Variants in ARHGAP44 observed in about 807,000 individuals in gnomAD.
ARHGAP44 encodes the protein Rho GTPase activating protein 44.
In ARHGAP44, 43 loss-of-function variants were observed where a neutral mutation model predicts 106.8. The observed-to-expected ratio is 0.40, with a 90% CI of 0.32 to 0.52. ARHGAP44 has a LOEUF of 0.52. ARHGAP44 is among the 20% of genes least tolerant of loss of function. The pLI is 0.48. For missense variants in ARHGAP44, 866 were observed against 1,050.5 expected, an observed-to-expected ratio of 0.82 and a Z score of 2.43; for synonymous variants, 439 against 410.3, an observed-to-expected ratio of 1.07 and a Z score of -0.85.
At chr17:12,906,046 G>A (rs932716134) in intron 3 of ARHGAP44, among the ~76,000 whole-genome samples, 1 of 152,146 alleles carries the variant, frequency 6.6e-6, no homozygotes, top group Non-Finnish European at 1.5e-5. Context: ...CCCATCAGAT[G>A]CCAATAGCAT....
At chr17:12,919,437 G>A (rs1022173027) in intron 5 of ARHGAP44, among the ~76,000 whole-genome samples, 9 of 151,020 alleles carry the variant, frequency 6.0e-5, no homozygotes, top group Admixed American at 4.6e-4. Flanking sequence ...ACAGGCTGGA[G>A]TGGAGTGGTG....
At chr17:12,891,869 A>G (rs1025969732) in intron 1 of ARHGAP44, among the ~76,000 whole-genome samples, 2 of 149,354 alleles carry the variant, frequency 1.3e-5, no homozygotes, top group Non-Finnish European at 3.0e-5. Flanking sequence ...ATGTCGGCTC[A>G]CTGCAACCTC....
chr17:12,910,432 T>C (rs978860005), intron 4 of ARHGAP44, among the ~76,000 whole-genome samples: 23 of 141,304 alleles, frequency 1.6e-4, no homozygotes, highest in African/African-American at 5.4e-4. Context: ...GGATAGAACA[T>C]GGGCTTATGT....
At chr17:12,989,260 G>A (rs930047720) in intron 20 of ARHGAP44, among the ~76,000 whole-genome samples, 9 of 152,044 alleles carry the variant, frequency 5.9e-5, no homozygotes, top group African/African-American at 1.9e-4. Context: ...CCAGGGCGGC[G>A]GCTGCAGCAG....
intron 1 of ARHGAP44, among the ~76,000 whole-genome samples, chr17:12,853,725 G>C (rs1363634744): frequency 6.6e-6 from 1 of 152,296 alleles, no homozygotes; most frequent in East Asian, 1.9e-4. Flanking sequence ...CATTTTCTCT[G>C]TTATCAGGGC....
At chr17:12,901,297 G>T (rs1333155422) in intron 3 of ARHGAP44, among the ~76,000 whole-genome samples, 3 of 152,152 alleles carry the variant, frequency 2.0e-5, no homozygotes. Flanking sequence ...GACGTGACAT[G>T]GGGCGGGACT....
At chr17:12,978,096 C>T (rs1162988664) in intron 18 of ARHGAP44, among the ~76,000 whole-genome samples, 1 of 147,046 alleles carries the variant, frequency 6.8e-6, no homozygotes, top group Non-Finnish European at 1.5e-5. Context: ...GAGCTCATTC[C>T]TAGATTCCTT....
chr17:12,837,022 C>T (rs1242217922), intron 1 of ARHGAP44, among the ~76,000 whole-genome samples: 1 of 152,170 alleles, frequency 6.6e-6, no homozygotes, highest in Non-Finnish European at 1.5e-5. Flanking sequence ...CAAGGTTGAC[C>T]ATATTCTCAG....
intron 1 of ARHGAP44, among the ~76,000 whole-genome samples, chr17:12,846,739 A>G (rs1365404560): frequency 1.3e-5 from 2 of 152,226 alleles, no homozygotes; most frequent in Non-Finnish European, 2.9e-5. Context: ...ATATGAGCAA[A>G]AAACAGAATG....
intron 1 of ARHGAP44, among the ~76,000 whole-genome samples, chr17:12,805,051 A>G (rs1299259864): frequency 6.6e-6 from 1 of 152,206 alleles, no homozygotes; most frequent in Admixed American, 6.5e-5. Context: ...TAGAGGTGGT[A>G]TCTTTGATGG....
In ARHGAP44 at chr17:12,990,414, CTT is replaced by C; in HGVS notation, c.*245_*246del. The C allele has an allele frequency of 2.2e-6, 1 of 464,142 alleles. No individual in the cohort carries two copies. Among genetic ancestry groups the C allele is most frequent in the East Asian group, 3.7e-5 (1 of 27,010 alleles). 28.8% of individuals were successfully genotyped at this position (464,142 alleles called of 1,614,324 possible). A position where few individuals can be genotyped will look rare whatever the true frequency, so the allele number is the denominator to read the frequency against. ...CTTTTGTTTGACCTTTGCCTTTTGA[CTT>C]TGTGCCTCTTTTGATCCACTTTCAG... On this transcript the variant is annotated 3_prime_UTR_variant, in exon 21 of 21. Coordinates refer to ENST00000379672, the MANE Select transcript of ARHGAP44 (RefSeq NM_014859.6).
At chr17:12,879,716 TA>T (rs1361307548) in intron 1 of ARHGAP44, among the ~76,000 whole-genome samples, 3 of 141,602 alleles carry the variant, frequency 2.1e-5, no homozygotes, top group Admixed American at 7.3e-5. Flanking sequence ...CACACACAGT[TA>T]AAAAATATAT....
chr17:12,989,950 G>T, intron 20 of ARHGAP44, 82 bp from the exon 21 acceptor site: 7 of 1,558,272 alleles, frequency 4.5e-6, no homozygotes, highest in Non-Finnish European at 6.1e-6. Context: ...TGCCTCCTAA[G>T]GCTGACATTA....
chr17:12,957,009 T>C (rs1285018954), intron 15 of ARHGAP44, among the ~76,000 whole-genome samples: 1 of 152,156 alleles, frequency 6.6e-6, no homozygotes, highest in African/African-American at 2.4e-5. Flanking sequence ...TGGATTGCAA[T>C]GGTCCGATCC....
intron 1 of ARHGAP44, among the ~76,000 whole-genome samples, chr17:12,884,461 C>T (rs1400379487): frequency 2.0e-5 from 3 of 152,176 alleles, no homozygotes; most frequent in African/African-American, 7.2e-5. Flanking sequence ...GAACACTTAA[C>T]TTCAACCACT....
chr17:12,909,220 C>T (rs766950179), intron 4 of ARHGAP44, among the ~76,000 whole-genome samples: 12 of 152,074 alleles, frequency 7.9e-5, no homozygotes, highest in Non-Finnish European at 1.6e-4. Context: ...CCCTAGGGCC[C>T]TAGCAGAAGC....
chr17:12,865,991 A>G (rs2036229373), intron 1 of ARHGAP44, among the ~76,000 whole-genome samples: 1 of 152,150 alleles, frequency 6.6e-6, no homozygotes, highest in Non-Finnish European at 1.5e-5. Context: ...ACAAACTGGA[A>G]GTGAAAACCC....
At chr17:12,868,495 G>A (rs1245185272) in intron 1 of ARHGAP44, among the ~76,000 whole-genome samples, 2 of 149,620 alleles carry the variant, frequency 1.3e-5, no homozygotes, top group African/African-American at 2.5e-5. Context: ...ATGCAAGATC[G>A]TGGAGAAAGT....
At chr17:12,918,215 T>G (rs113180099) in intron 5 of ARHGAP44, among the ~76,000 whole-genome samples, 40 of 152,212 alleles carry the variant, frequency 2.6e-4, no homozygotes, top group African/African-American at 9.6e-4. Context: ...CAGCTTAGCT[T>G]CGGAGCTGGG....
Sources: allele counts gnomAD v4.1 joint callset (sites outside exome capture counted in the v4.1 genomes callset), GRCh38; gene constraint gnomAD v4.1.1; transcripts MANE v1.5; gene names NCBI Gene and HGNC (gene_info 2026-07-23, HGNC 2026-07-21).